CNTN4: variants seen among roughly 807,000 people sequenced by gnomAD.
The protein encoded by CNTN4 is contactin-4.
A neutral mutation model predicts 122.5 loss-of-function variants in CNTN4; 77 were observed. The ratio of observed to expected loss-of-function variants is 0.63; its 90% CI spans 0.52 to 0.76. The LOEUF (loss-of-function observed/expected upper bound fraction) is 0.76, where lower values mean the gene tolerates loss of function less well. CNTN4 is among the 30% of genes least tolerant of loss of function. CNTN4 has a pLI of 0.00. For synonymous variants in CNTN4, 512 were observed against 447.0 expected, an observed-to-expected ratio of 1.15 and a Z score of -1.83; for missense variants, 1,256 against 1,259.1, an observed-to-expected ratio of 1.00 and a Z score of 0.04.
intron 3 of CNTN4, among the ~76,000 whole-genome samples, chr3:2,541,961 T>C (rs766877548): frequency 1.2e-4 from 19 of 152,150 alleles, no homozygotes; most frequent in Non-Finnish European, 2.5e-4. Flanking sequence ...TGTTTCCAAA[T>C]ATTTTAAACC....
intron 2 of CNTN4, among the ~76,000 whole-genome samples, chr3:2,218,829 A>G (rs1057142935): frequency 2.0e-5 from 3 of 152,212 alleles, no homozygotes; most frequent in African/African-American, 4.8e-5. Flanking sequence ...GGAGTGGTTT[A>G]TCAGATTTTC....
At chr3:2,788,319 A>G (rs2091904673) in intron 6 of CNTN4, among the ~76,000 whole-genome samples, 1 of 152,132 alleles carries the variant, frequency 6.6e-6, no homozygotes, top group Non-Finnish European at 1.5e-5. Flanking sequence ...GCAGACACCC[A>G]CTCATTTCAC....
chr3:2,823,607 A>C lies in CNTN4; in HGVS notation c.454+4026A>C, dbSNP rs2092923745. On this transcript the variant is annotated intron_variant, in intron 7 of 24. Coordinates refer to ENST00000418658, the MANE Select transcript of CNTN4 (RefSeq NM_175607.3). The stretch of plus-strand genomic sequence containing the variant: ...TGGTGCTCCTTCCTATTAGACACAG[A>C]AATTATTGAGGTCCAGAATGTCCAC... Among the ~76,000 whole-genome samples the C allele has an allele frequency of 3.3e-5, 5 of 152,178 alleles. No homozygotes were observed. In the South Asian group the frequency reaches 1.0e-3, roughly 32 times the overall value.
At chr3:2,678,879 C>G (rs1452889056) in intron 4 of CNTN4, among the ~76,000 whole-genome samples, 1 of 151,272 alleles carries the variant, frequency 6.6e-6, no homozygotes, top group African/African-American at 2.4e-5. Flanking sequence ...GGTAACTCCC[C>G]ACCCAACTGG....
chr3:3,021,589 A>G (rs746068923), intron 14 of CNTN4, among the ~76,000 whole-genome samples: 5 of 152,202 alleles, frequency 3.3e-5, no homozygotes, highest in Non-Finnish European at 7.3e-5. Flanking sequence ...AACAAAAGGG[A>G]TGTGTCTCCT....
rs533889858 is a variant in CNTN4 at position 2,864,636 on chromosome 3, G to T, written c.455-2116G>T. 8.0e-5 allele frequency among the ~76,000 whole-genome samples: 12 copies of T among 150,144 alleles called. No homozygotes were observed. The South Asian group carries it at 2.1e-3, about 26-fold the overall frequency. ...CACCTGTAGTCCCAGCTACTTGGGAGGCTGAGACAGGAGAATTGCTTGAAC... is the reference window on the plus strand; with the variant it reads ...CACCTGTAGTCCCAGCTACTTGGGATGCTGAGACAGGAGAATTGCTTGAAC... On this transcript the variant is annotated intron_variant, in intron 7 of 24. Transcript: ENST00000418658.
intron 4 of CNTN4, among the ~76,000 whole-genome samples, chr3:2,627,649 A>G (rs534021649): frequency 7.5e-4 from 114 of 151,850 alleles, no homozygotes; most frequent in African/African-American, 1.0e-3. Context: ...GCCCGCCACC[A>G]CGCCTGGCTA....
chr3:2,540,298 G>C (rs564064455), intron 3 of CNTN4, among the ~76,000 whole-genome samples: 3 of 152,064 alleles, frequency 2.0e-5, no homozygotes, highest in Non-Finnish European at 4.4e-5. Context: ...GTTTGGTTAC[G>C]TGGGATTGCA....
chr3:2,749,811 A>G lies in CNTN4; in HGVS notation c.358+4114A>G, dbSNP rs553836045. On this transcript the variant is annotated intron_variant, in intron 6 of 24. Coordinates refer to ENST00000418658, the MANE Select transcript of CNTN4 (RefSeq NM_175607.3). The stretch of plus-strand genomic sequence containing the variant: ...TCTTTTGTAAATTAAAAGAAAATCA[A>G]AAGACATTGCCTATATTCAGAATTC... Among the ~76,000 whole-genome samples, 6 of 152,360 alleles carry G rather than the reference A, an allele frequency of 3.9e-5. No homozygotes were observed. The South Asian group carries it at 1.2e-3, about 32-fold the overall frequency.
At chr3:2,746,230 C>A (rs2089764813) in intron 6 of CNTN4, among the ~76,000 whole-genome samples, 2 of 152,100 alleles carry the variant, frequency 1.3e-5, no homozygotes, top group South Asian at 4.1e-4. Flanking sequence ...GTCAATTAAT[C>A]CTACAATTCT....
chr3:2,430,305 C>G (rs1489969812), intron 3 of CNTN4, among the ~76,000 whole-genome samples: 1 of 151,700 alleles, frequency 6.6e-6, no homozygotes, highest in Non-Finnish European at 1.5e-5. Flanking sequence ...GCCTGTAGTC[C>G]CAGCTACTTG....
intron 4 of CNTN4, among the ~76,000 whole-genome samples, chr3:2,669,200 G>A (rs1166247424): frequency 6.6e-5 from 10 of 152,048 alleles, no homozygotes; most frequent in Non-Finnish European, 1.3e-4. Context: ...GGTAGAATTC[G>A]GCTGTGAATC....
intron 13 of CNTN4, among the ~76,000 whole-genome samples, chr3:2,925,983 G>A (rs192493876): frequency 7.5e-4 from 114 of 152,314 alleles, no homozygotes; most frequent in Middle Eastern, 3.4e-3. Context: ...AAAGCACTCC[G>A]TGCAGAGATA....
chr3:2,677,129 TTAGATAGATAGATAGATAGATAGATAGA>T (rs71621501), intron 4 of CNTN4, among the ~76,000 whole-genome samples: 1 of 143,166 alleles, frequency 7.0e-6, no homozygotes, highest in Non-Finnish European at 1.5e-5. Context: ...GATCACTCTT[TTAGATAGATAGATAGATAGATAGATAGA>T]TAGATAGATA....
At chr3:2,597,142 C>G (rs1243284757) in intron 4 of CNTN4, among the ~76,000 whole-genome samples, 2 of 152,154 alleles carry the variant, frequency 1.3e-5, no homozygotes, top group African/African-American at 4.8e-5. Context: ...CAGCCACTGT[C>G]CTTTCCATAG....
chr3:2,359,275 A>G (rs2045011657), intron 3 of CNTN4, among the ~76,000 whole-genome samples: 1 of 151,810 alleles, frequency 6.6e-6, no homozygotes, highest in South Asian at 2.1e-4. Context: ...CTGATTGGAG[A>G]GAACCGCATA....
chr3:2,813,260 C>A (rs1456025121), intron 6 of CNTN4, among the ~76,000 whole-genome samples: 1 of 152,090 alleles, frequency 6.6e-6, no homozygotes, highest in Non-Finnish European at 1.5e-5. Flanking sequence ...ATCACTTGAC[C>A]ATTTTTCCAA....
At chr3:2,498,231 T>C (rs139725688) in intron 3 of CNTN4, among the ~76,000 whole-genome samples, 1,722 of 152,274 alleles carry the variant, frequency 0.011, 17 homozygotes, top group South Asian at 0.032. Flanking sequence ...ACTTATGGAG[T>C]AAATACTGAT....
chr3:2,164,910 A>G (rs2036131460), intron 2 of CNTN4, among the ~76,000 whole-genome samples: 1 of 152,226 alleles, frequency 6.6e-6, no homozygotes. Context: ...AGGATGTACT[A>G]TAGCCAAAAT....
Sources: gnomAD v4.1 joint callset for allele counts (sites outside exome capture counted in the v4.1 genomes callset) on GRCh38, gnomAD v4.1.1 for gene constraint, MANE v1.5 for transcripts, NCBI Gene and HGNC (gene_info 2026-07-23, HGNC 2026-07-21) for gene names.